SNAPC4: variants seen among roughly 807,000 people sequenced by gnomAD.
SNAPC4 encodes snRNA-activating protein complex subunit 4.
In SNAPC4, 127 loss-of-function variants were observed where a neutral mutation model predicts 151.3. That is an observed-to-expected ratio of 0.84 (90% CI 0.73 to 0.97). SNAPC4 has a LOEUF of 0.97. Ranked by LOEUF, SNAPC4 falls within the 50% of genes least tolerant of loss-of-function variation. The pLI is 0.00. For synonymous variants in SNAPC4, 1,002 were observed against 824.4 expected, an observed-to-expected ratio of 1.22 and a Z score of -3.69; for missense variants, 2,186 against 1,935.0, an observed-to-expected ratio of 1.13 and a Z score of -2.43.
At chr9:136,397,639 G>T (rs11145884) in intron 2 of SNAPC4, among the ~76,000 whole-genome samples, 2 of 103,632 alleles carry the variant, frequency 1.9e-5, no homozygotes, top group African/African-American at 7.6e-5. Context: ...GGGAGCACGT[G>T]GGGAGGGGAG....
At position 136,395,722 on chromosome 9, in the gene SNAPC4, C is replaced by G. The variant is rs1203775051; in HGVS notation, c.226G>C (p.Asp76His). Reference sequence around the variant, plus strand: ...TCTGGGTCTTCAGGGAGGGTTTTATCCTTGGGATCGTCCTCGTCATTGCTG... The same window carrying G: ...TCTGGGTCTTCAGGGAGGGTTTTATGCTTGGGATCGTCCTCGTCATTGCTG... Reference protein sequence around the residue: ...EASNDEDDPKDKTLPEDPETC... With the variant: ...EASNDEDDPKHKTLPEDPETC... Residue 76 changes from aspartate (D) to histidine (H), a missense_variant, in exon 4 of 24, where the codon GAT (aspartate) becomes CAT (histidine). Physicochemically the swap from Asp to His is moderately conservative, Grantham distance 81. Transcript: ENST00000684778. 6.2e-7 allele frequency: 1 copy of G among 1,613,464 alleles called. No homozygotes were observed. The highest frequency in any genetic ancestry group is 1.7e-5 in the Admixed American group (1 of 60,012).
chr9:136,381,314 T>C lies in SNAPC4; in HGVS notation c.2388+8A>G. 1 of 1,609,744 alleles carries C rather than the reference T, an allele frequency of 6.2e-7. No homozygotes were observed. The highest frequency in any genetic ancestry group is 2.2e-5 in the East Asian group (1 of 44,846). On this transcript the variant is annotated splice_region_variant and intron_variant, in intron 19 of 23. Coordinates refer to ENST00000684778, the MANE Select transcript of SNAPC4 (RefSeq NM_003086.4). Reference sequence around the variant, plus strand: ...AAAGGAAAACGAAGCTCTGCCCAAGTAGCTTACCTGGGTAAACAGGGTAAA... The same window carrying C: ...AAAGGAAAACGAAGCTCTGCCCAAGCAGCTTACCTGGGTAAACAGGGTAAA...
Position 136,383,534 on chromosome 9 carries a change from G to C in SNAPC4, c.1635C>G (p.Asp545Glu), listed in dbSNP as rs745892118. The change falls in exon 16 of 24, where the codon GAC (aspartate) becomes GAG (glutamate). Residue 545 changes from aspartate (D) to glutamate (E), a missense_variant. By Grantham distance (45) the Asp-to-Glu change is conservative. Coordinates refer to ENST00000684778, the MANE Select transcript of SNAPC4 (RefSeq NM_003086.4). The surrounding 1 kb of genome is among the most constrained non-coding windows in gnomAD (Gnocchi z 4.2). ...SSSSSSSSEE[D>E]EPEQAQAGEG... ...CCCCGGCCTGCGCCTGCTCTGGCTC[G>C]TCCTCCTCGCTGCTGCTGCTGCTGC... The C allele has an allele frequency of 6.3e-7, 1 of 1,593,282 alleles. No individual in the cohort carries two copies. Among genetic ancestry groups the C allele is most frequent in the Non-Finnish European group, 8.5e-7 (1 of 1,171,436 alleles).
In SNAPC4 at chr9:136,379,257, C is replaced by T; in HGVS notation, c.2570G>A (p.Ser857Asn). 3.1e-6 allele frequency: 5 copies of T among 1,612,622 alleles called. No individual in the cohort carries two copies. The highest frequency in any genetic ancestry group is 4.2e-6 in the Non-Finnish European group (5 of 1,179,966). ...TCTTCGGCTCCCTTTGTGGCTGGCACTCTTTGAGGCTTCTTGAGCCGGCAC... is the reference window on the plus strand; with the variant it reads ...TCTTCGGCTCCCTTTGTGGCTGGCATTCTTTGAGGCTTCTTGAGCCGGCAC... ...PNVPAQEASKSASHKGSRRLA... is the reference protein window; with the variant it reads ...PNVPAQEASKNASHKGSRRLA... Residue 857 changes from serine (S) to asparagine (N), a missense_variant, in exon 22 of 24, where the codon AGT becomes AAT. Transcript: ENST00000684778.
chr9:136,385,561 C>T (rs1010987052), intron 13 of SNAPC4, among the ~76,000 whole-genome samples: 6 of 143,536 alleles, frequency 4.2e-5, no homozygotes, highest in South Asian at 2.2e-4. Context: ...CACTCCCCCC[C>T]CTTTTGTTTT....
Position 136,381,757 on chromosome 9 carries a change from G to A in SNAPC4, c.2317+67C>T, listed in dbSNP as rs951341890. On this transcript the variant is annotated intron_variant, in intron 18 of 23. Coordinates refer to ENST00000684778, the MANE Select transcript of SNAPC4 (RefSeq NM_003086.4). ...TTCCCCAAGTAGCCACCGTCTGCTA[G>A]GCTGGATGTACTCTTCATCCTCACC... is the stretch of plus-strand genomic sequence containing the variant. 9 of 1,545,030 alleles carry A rather than the reference G, an allele frequency of 5.8e-6. No homozygotes were observed. The Admixed American group carries it at 1.1e-4, about 19-fold the overall frequency.
chr9:136,394,718 C>G (rs531689440), intron 6 of SNAPC4, 82 bp downstream of exon 6: 3 of 1,289,264 alleles, frequency 2.3e-6, no homozygotes, highest in Non-Finnish European at 3.3e-6. Flanking sequence ...GGTCTGAGAA[C>G]TTGGGGAGAA....
At chr9:136,390,071 C>A (rs957859654) in intron 10 of SNAPC4, among the ~76,000 whole-genome samples, 1 of 152,054 alleles carries the variant, frequency 6.6e-6, no homozygotes, top group African/African-American at 2.4e-5. Flanking sequence ...TTTCATCAAA[C>A]CAGCAAGACA....
chr9:136,382,715 G>A (rs537433128), intron 16 of SNAPC4, among the ~76,000 whole-genome samples: 9 of 152,348 alleles, frequency 5.9e-5, no homozygotes, highest in African/African-American at 2.2e-4. Context: ...GGACAGACCA[G>A]CCTGTTCAAC....
intron 14 of SNAPC4, 43 bp downstream of exon 14, chr9:136,384,677 A>C (rs373083107): frequency 4.7e-4 from 511 of 1,077,386 alleles, no homozygotes; most frequent in Non-Finnish European, 6.6e-4. Context: ...AGAAACAAAA[A>C]ACAAAAAAAA....
intron 13 of SNAPC4, 121 bp from the exon 14 acceptor site, chr9:136,384,935 T>G: frequency 1.8e-6 from 1 of 557,494 alleles, no homozygotes; most frequent in Non-Finnish European, 3.1e-6. Flanking sequence ...AAAAGAAAAC[T>G]ACAGATAAAG....
chr9:136,381,132 C>G (rs1021983993), intron 19 of SNAPC4, among the ~76,000 whole-genome samples, 190 bp downstream of exon 19: 3 of 152,204 alleles, frequency 2.0e-5, no homozygotes, highest in Admixed American at 6.5e-5. Context: ...CCGATGGGGG[C>G]AGTGCACACT....
chr9:136,379,174 C>T lies in SNAPC4; in HGVS notation c.2653G>A (p.Gly885Ser), dbSNP rs780891763. 56 of 1,595,262 alleles carry T rather than the reference C, an allele frequency of 3.5e-5. No homozygotes were observed. The Admixed American group carries it at 3.6e-4, about 10-fold the overall frequency. The change falls in exon 22 of 24, where the codon GGC becomes AGC. Residue 885 changes from glycine (G) to serine (S), a missense_variant. By Grantham distance (56) the Gly-to-Ser change is moderately conservative. Coordinates refer to ENST00000684778, the MANE Select transcript of SNAPC4 (RefSeq NM_003086.4). ...ACAGTCTTGGGCTTGGGCCGGGGGC[C>T]GGTTGAAGCCAGCAGGGACGCCTGG... ...LPQASLLASTGPRPKPKTVSE... is the reference protein window; with the variant it reads ...LPQASLLASTSPRPKPKTVSE...
Position 136,391,933 on chromosome 9 carries a change from G to A in SNAPC4, c.975+9C>T. On this transcript the variant is annotated intron_variant, in intron 10 of 23. Transcript: ENST00000684778. ...CTCCTGGCCCCTGGGGTCCAGGCCA[G>A]GCCCTTACCCCCAGCTCCTCTGCAA... The A allele has an allele frequency of 6.2e-7, 1 of 1,600,210 alleles. No individual in the cohort carries two copies. Among genetic ancestry groups the A allele is most frequent in the Non-Finnish European group, 8.5e-7 (1 of 1,179,690 alleles).
rs774743264 is a variant in SNAPC4 at position 136,388,518 on chromosome 9, G to C, written c.1049C>G (p.Thr350Arg). 6.2e-7 allele frequency: 1 copy of C among 1,614,080 alleles called. No homozygotes were observed. Among genetic ancestry groups the C allele is most frequent in the South Asian group, 1.1e-5 (1 of 91,090 alleles). ...HNKALKRKEWTEEEDRMLTQL... is the reference protein window; with the variant it reads ...HNKALKRKEWREEEDRMLTQL... ...CGTGAGCATGCGGTCCTCCTCCTCT[G>C]TCCACTCCTTGCGTTTCAGAGCTTT... Residue 350 changes from threonine to arginine, a missense_variant, in exon 11 of 24, where the codon ACA becomes AGA. Thr to Arg is a moderately conservative substitution (Grantham distance 71, BLOSUM62 -1). Transcript: ENST00000684778.
At position 136,387,731 on chromosome 9, in the gene SNAPC4, C is replaced by A. The variant is rs373323819; in HGVS notation, c.1230+11G>T. ...CCAGAGCCCAGTTCTCCTAGGGTCC[C>A]GCACACTTACAGCATCTTCCTCCGG... is the stretch of plus-strand genomic sequence containing the variant. On this transcript the variant is annotated intron_variant, in intron 12 of 23. Coordinates refer to ENST00000684778, the MANE Select transcript of SNAPC4 (RefSeq NM_003086.4). 30 of 1,563,288 alleles carry A rather than the reference C, an allele frequency of 1.9e-5. No individual in the cohort carries two copies. The African/African-American group carries it at 3.8e-4, about 20-fold the overall frequency.
rs577661471 is a variant in SNAPC4 at position 136,391,970 on chromosome 9, T to C, written c.947A>G (p.Glu316Gly). 5 of 1,606,180 alleles carry C rather than the reference T, an allele frequency of 3.1e-6. No individual in the cohort carries two copies. In the South Asian group the frequency reaches 3.3e-5, roughly 11 times the overall value. The change falls in exon 10 of 24, where the codon GAG (glutamate) becomes GGG (glycine). Residue 316 changes from glutamate to glycine, a missense_variant. Glu to Gly is a moderately conservative substitution (Grantham distance 98, BLOSUM62 -2). Coordinates refer to ENST00000684778, the MANE Select transcript of SNAPC4 (RefSeq NM_003086.4). ...QAIAAAHGHLEWQKIAEELGT... is the reference protein window; with the variant it reads ...QAIAAAHGHLGWQKIAEELGT... ...CAGCTCCTCTGCAATCTTCTGCCAC[T>C]CCAGGTGGCCGTGTGCAGCCGCGAT...
chr9:136,375,972 C>T (rs1833430373), intron 23 of SNAPC4, among the ~76,000 whole-genome samples, 172 bp from the exon 24 acceptor site: 1 of 152,214 alleles, frequency 6.6e-6, no homozygotes, highest in South Asian at 2.1e-4. Flanking sequence ...AGGGCTCCAG[C>T]AGTGAAGAGC....
intron 23 of SNAPC4, among the ~76,000 whole-genome samples, chr9:136,376,026 T>G (rs901367472): frequency 1.3e-5 from 2 of 152,046 alleles, no homozygotes; most frequent in African/African-American, 4.8e-5. Flanking sequence ...TTTTACAAGC[T>G]GGGAGACGAC....
Sources: allele counts gnomAD v4.1 joint callset (sites outside exome capture counted in the v4.1 genomes callset), GRCh38; gene constraint gnomAD v4.1.1; non-coding constraint Gnocchi (gnomAD v3.1); transcripts MANE v1.5; gene names NCBI Gene and HGNC (gene_info 2026-07-23, HGNC 2026-07-21).